Variants in CDH13 observed in about 807,000 individuals in gnomAD.
The protein encoded by CDH13 is cadherin 13, also known as cadherin-13.
Under a neutral mutation model 63.8 loss-of-function variants are expected in CDH13, and 24 were observed. That is an observed-to-expected ratio of 0.38 (90% CI 0.27 to 0.53). The LOEUF (loss-of-function observed/expected upper bound fraction) is 0.53. Ranked by LOEUF, CDH13 falls within the 20% of genes least tolerant of loss-of-function variation. The pLI is 0.85. For synonymous variants in CDH13, 503 were observed against 355.3 expected (o/e 1.42, Z -4.67); for missense variants, 1,049 against 903.1 (o/e 1.16, Z -2.07).
chr16:83,076,056 C>A (rs577850856), intron 3 of CDH13, among the ~76,000 whole-genome samples: 1 of 151,992 alleles, frequency 6.6e-6, no homozygotes, highest in Non-Finnish European at 1.5e-5. Flanking sequence ...AGAGCCAGAA[C>A]GTGAGTTCTG....
chr16:83,507,708 T>A (rs2074434868), intron 7 of CDH13, among the ~76,000 whole-genome samples: 1 of 152,124 alleles, frequency 6.6e-6, no homozygotes, highest in Non-Finnish European at 1.5e-5. Flanking sequence ...AAAAATTGTC[T>A]TATCACTTAG....
intron 4 of CDH13, among the ~76,000 whole-genome samples, chr16:83,175,422 TC>T (rs1287044400): frequency 1.3e-5 from 2 of 152,104 alleles, no homozygotes; most frequent in African/African-American, 2.4e-5. Flanking sequence ...CGGCTCTGTT[TC>T]TTTTTCTAAT....
chr16:82,992,333 A>G (rs1911750308), intron 2 of CDH13, among the ~76,000 whole-genome samples: 1 of 152,326 alleles, frequency 6.6e-6, no homozygotes, highest in Non-Finnish European at 1.5e-5. Flanking sequence ...AATGTTTTTA[A>G]AAGTCAATTT....
chr16:83,284,022 C>G (rs983805784), intron 5 of CDH13, among the ~76,000 whole-genome samples: 2 of 152,160 alleles, frequency 1.3e-5, no homozygotes, highest in African/African-American at 4.8e-5. Flanking sequence ...AAGCCTAGAG[C>G]CAAACCATTC....
intron 6 of CDH13, among the ~76,000 whole-genome samples, chr16:83,434,230 A>G (rs2072214987): frequency 6.6e-6 from 1 of 152,158 alleles, no homozygotes; most frequent in Non-Finnish European, 1.5e-5. Context: ...GATGGACCCC[A>G]TTAGGGCCAG....
intron 5 of CDH13, among the ~76,000 whole-genome samples, chr16:83,276,522 C>G (rs1343570342): frequency 1.3e-5 from 2 of 152,144 alleles, no homozygotes; most frequent in African/African-American, 4.8e-5. Flanking sequence ...GTTTAATAGT[C>G]TTACAGTTTC....
chr16:83,573,416 A>G (rs1904825515), intron 7 of CDH13, among the ~76,000 whole-genome samples: 1 of 152,206 alleles, frequency 6.6e-6, no homozygotes, highest in Admixed American at 6.5e-5. Flanking sequence ...GGAGGTGACC[A>G]CTGAACCTGT....
At chr16:82,802,316 C>T (rs996637641) in intron 1 of CDH13, among the ~76,000 whole-genome samples, 6 of 152,144 alleles carry the variant, frequency 3.9e-5, no homozygotes, top group Non-Finnish European at 8.8e-5. Flanking sequence ...CTCCCACAAC[C>T]AGCATTACAG....
At chr16:83,394,372 A>T (rs755231716) in intron 6 of CDH13, among the ~76,000 whole-genome samples, 6 of 152,156 alleles carry the variant, frequency 3.9e-5, no homozygotes, top group Non-Finnish European at 8.8e-5. Flanking sequence ...AGCCTGAAAG[A>T]GGCGAGAGAG....
At chr16:82,696,729 T>C (rs910168634) in intron 1 of CDH13, among the ~76,000 whole-genome samples, 2 of 152,254 alleles carry the variant, frequency 1.3e-5, no homozygotes, top group African/African-American at 4.8e-5. Flanking sequence ...TAATTATCTA[T>C]TGTTGCATTA....
intron 2 of CDH13, among the ~76,000 whole-genome samples, chr16:82,961,589 A>AAAAAC (rs1907009959): frequency 6.6e-6 from 1 of 151,304 alleles, no homozygotes; most frequent in African/African-American, 2.4e-5. Context: ...AAAAAAAAAA[A>AAAAAC]AAAAAAACTA....
chr16:83,469,493 A>G (rs1172170038), intron 6 of CDH13, among the ~76,000 whole-genome samples: 1 of 152,212 alleles, frequency 6.6e-6, no homozygotes, highest in Non-Finnish European at 1.5e-5. Context: ...AGCGGGGAAT[A>G]ACTAAAGCTA....
chr16:83,400,421 G>A (rs1266631936), intron 6 of CDH13, among the ~76,000 whole-genome samples: 1 of 152,212 alleles, frequency 6.6e-6, no homozygotes, highest in African/African-American at 2.4e-5. Context: ...CCAACTCCAG[G>A]ATGGGGTCAT....
intron 3 of CDH13, among the ~76,000 whole-genome samples, chr16:83,061,122 C>T (rs2031511554): frequency 6.6e-6 from 1 of 152,172 alleles, no homozygotes; most frequent in Non-Finnish European, 1.5e-5. Flanking sequence ...CTCTCTGATA[C>T]CACAGTCTTT....
rs144896755 is a variant in CDH13, at chr16:82,679,607, C to T, written c.45+52470C>T. The stretch of plus-strand genomic sequence containing the variant: ...CACTCACGCTCCTGCATCAGACTCC[C>T]CTGGTTTTGGAATCTGTCTCTGTTG... On this transcript the variant is annotated intron_variant, in intron 1 of 13. Coordinates refer to ENST00000567109, the MANE Select transcript of CDH13 (RefSeq NM_001257.5). 7.4e-3 allele frequency among the ~76,000 whole-genome samples: 1,130 copies of T among 152,254 alleles called. 17 individuals carry two copies. Among genetic ancestry groups the T allele is most frequent in the Non-Finnish European group, 6.8e-3 (462 of 67,998 alleles).
At chr16:83,082,108 A>G (rs956038991) in intron 3 of CDH13, among the ~76,000 whole-genome samples, 1 of 152,098 alleles carries the variant, frequency 6.6e-6, no homozygotes, top group African/African-American at 2.4e-5. Flanking sequence ...CCACCTAATT[A>G]CTTCTTAATG....
At chr16:82,857,974 C>T (rs1168765298) in intron 1 of CDH13, among the ~76,000 whole-genome samples, 2 of 152,176 alleles carry the variant, frequency 1.3e-5, no homozygotes, top group East Asian at 1.9e-4. Flanking sequence ...TTTTCTCTTT[C>T]CTCCTCTTCA....
intron 7 of CDH13, among the ~76,000 whole-genome samples, chr16:83,550,277 A>G (rs1362619109): frequency 6.6e-6 from 1 of 152,168 alleles, no homozygotes; most frequent in Non-Finnish European, 1.5e-5. Context: ...GCCAGGGTGA[A>G]CTCAAAGCAT....
At chr16:83,203,227 A>G (rs532570414) in intron 4 of CDH13, among the ~76,000 whole-genome samples, 1 of 152,212 alleles carries the variant, frequency 6.6e-6, no homozygotes, top group Non-Finnish European at 1.5e-5. Flanking sequence ...CCCGTCTCAA[A>G]AAACAAACAA....
Sources: gnomAD v4.1 joint callset for allele counts (sites outside exome capture counted in the v4.1 genomes callset) on GRCh38, gnomAD v4.1.1 for gene constraint, MANE v1.5 for transcripts, NCBI Gene and HGNC (gene_info 2026-07-23, HGNC 2026-07-21) for gene names.